TENT5C: variants seen among roughly 807,000 people sequenced by gnomAD.
The protein encoded by TENT5C is terminal nucleotidyltransferase 5C, also known as family with sequence similarity 46 member C.
In TENT5C, 5 loss-of-function variants were observed where a neutral mutation model predicts 22.2. The ratio of observed to expected loss-of-function variants is 0.22; its 90% CI spans 0.12 to 0.47. The LOEUF (loss-of-function observed/expected upper bound fraction) is 0.47. Ranked by LOEUF, TENT5C falls within the 20% of genes least tolerant of loss-of-function variation. TENT5C has a pLI of 0.99. For synonymous variants in TENT5C, 199 were observed against 195.4 expected (o/e 1.02, Z -0.15); for missense variants, 364 against 500.9 (o/e 0.73, Z 2.61).
At chr1:117,611,153 C>A (rs1653663508) in intron 1 of TENT5C, among the ~76,000 whole-genome samples, 1 of 152,208 alleles carries the variant, frequency 6.6e-6, no homozygotes, top group Admixed American at 6.5e-5. Context: ...CCACAGCTAG[C>A]CAGTGCTATA....
intron 1 of TENT5C, among the ~76,000 whole-genome samples, chr1:117,618,904 G>A (rs938961113): frequency 1.3e-5 from 2 of 152,158 alleles, no homozygotes; most frequent in Admixed American, 6.5e-5. Flanking sequence ...CTATTAACTT[G>A]TTTTTCTATT....
intron 1 of TENT5C, among the ~76,000 whole-genome samples, chr1:117,609,022 G>A (rs1271133829): frequency 6.6e-6 from 1 of 152,178 alleles, no homozygotes; most frequent in Non-Finnish European, 1.5e-5. Context: ...GGCACTGTAG[G>A]AAAATGCTTC....
intron 1 of TENT5C, among the ~76,000 whole-genome samples, chr1:117,620,665 C>T (rs1254312238): frequency 1.3e-5 from 2 of 152,144 alleles, no homozygotes; most frequent in African/African-American, 2.4e-5. Flanking sequence ...GGTGAGCGAG[C>T]ATTACCACCG....
chr1:117,619,610 G>C (rs1288986930), intron 1 of TENT5C, among the ~76,000 whole-genome samples: 1 of 151,958 alleles, frequency 6.6e-6, no homozygotes, highest in African/African-American at 2.4e-5. Context: ...TACCCACTCT[G>C]TATAAGTATA....
intron 1 of TENT5C, among the ~76,000 whole-genome samples, chr1:117,612,292 G>GC (rs1433070606): frequency 2.0e-5 from 3 of 151,980 alleles, no homozygotes; most frequent in Non-Finnish European, 4.4e-5. Context: ...TTCACACTGT[G>GC]CGTCAGACTT....
intron 1 of TENT5C, among the ~76,000 whole-genome samples, chr1:117,606,504 G>A (rs1446643711): frequency 1.3e-5 from 2 of 152,222 alleles, no homozygotes; most frequent in African/African-American, 2.4e-5. Context: ...GCGCGGGCAG[G>A]GCGTCTGAAG....
At position 117,627,679 on chromosome 1, in the gene TENT5C, A is replaced by G. The variant is rs926005573; in HGVS notation, c.*3635A>G. ...ACATCCTTAATCTTGCAGAGACTAG[A>G]ATTTCACAGCTCGCTTTGGAACATA... On this transcript the variant is annotated 3_prime_UTR_variant, in exon 2 of 2. Coordinates refer to ENST00000369448, the MANE Select transcript of TENT5C (RefSeq NM_017709.4). 4.8e-5 allele frequency: 12 copies of G among 247,996 alleles called. No homozygotes were observed. The highest frequency in any genetic ancestry group is 2.2e-4 in the African/African-American group (10 of 45,294). 15.4% of individuals were successfully genotyped at this position (247,996 alleles called of 1,614,324 possible). A position where few individuals can be genotyped will look rare whatever the true frequency, so the allele number is the denominator to read the frequency against.
At position 117,608,392 on chromosome 1, in the gene TENT5C, C is replaced by A. The variant is rs190478551; in HGVS notation, c.-28+2239C>A. On this transcript the variant is annotated intron_variant, in intron 1 of 1. Transcript: ENST00000369448. ...TCCCGAGTTCCAGAGGCCCGTCCCC[C>A]CTCAGCTGTATCTCCCCATAGTGCA... is the stretch of plus-strand genomic sequence containing the variant. Among the ~76,000 whole-genome samples, 47 of 152,284 alleles carry A rather than the reference C, an allele frequency of 3.1e-4. 1 individual carries two copies. The East Asian group carries it at 7.5e-3, about 24-fold the overall frequency.
chr1:117,621,814 A>G (rs572807829), intron 1 of TENT5C, among the ~76,000 whole-genome samples: 2 of 152,266 alleles, frequency 1.3e-5, no homozygotes, highest in Admixed American at 6.5e-5. Context: ...ATTTTAATAT[A>G]TGAGTATTTG....
intron 1 of TENT5C, among the ~76,000 whole-genome samples, chr1:117,610,344 C>A (rs971029698): frequency 6.6e-6 from 1 of 152,150 alleles, no homozygotes; most frequent in Admixed American, 6.5e-5. Flanking sequence ...CTCCACCCCC[C>A]ATGGCAGAGT....
chr1:117,622,218 G>C (rs1653907752), intron 1 of TENT5C, among the ~76,000 whole-genome samples: 1 of 152,174 alleles, frequency 6.6e-6, no homozygotes. Context: ...TTTGCTAAGG[G>C]AATATACTTT....
At chr1:117,607,794 A>AG (rs1161169515) in intron 1 of TENT5C, among the ~76,000 whole-genome samples, 1 of 151,976 alleles carries the variant, frequency 6.6e-6, no homozygotes, top group African/African-American at 2.4e-5. Flanking sequence ...GAAAAGGGGG[A>AG]GGGGGATGGG....
intron 1 of TENT5C, among the ~76,000 whole-genome samples, chr1:117,610,292 C>T (rs1653637114): frequency 6.6e-6 from 1 of 152,126 alleles, no homozygotes; most frequent in African/African-American, 2.4e-5. Context: ...TGAACCTCCT[C>T]TTCAAGACCG....
chr1:117,610,049 A>G (rs899499570), intron 1 of TENT5C, among the ~76,000 whole-genome samples: 1 of 152,154 alleles, frequency 6.6e-6, no homozygotes, highest in African/African-American at 2.4e-5. Context: ...CACCAGCCTC[A>G]CATGGCTCAC....
rs781658721 is a variant in TENT5C, at chr1:117,627,769, G to C, written c.*3725G>C. On this transcript the variant is annotated 3_prime_UTR_variant, in exon 2 of 2. Coordinates refer to ENST00000369448, the MANE Select transcript of TENT5C (RefSeq NM_017709.4). ...GGGGAGGGGGGCGGTGTTGAGGAGA[G>C]GTATTTTTAAAGATCTGGCAACTTT... 11 of 247,792 alleles carry C rather than the reference G, an allele frequency of 4.4e-5. No individual in the cohort carries two copies. The highest frequency in any genetic ancestry group is 6.8e-5 in the Non-Finnish European group (8 of 118,118). 15.3% of individuals were successfully genotyped at this position (247,792 alleles called of 1,614,324 possible).
chr1:117,625,386 A>T lies in TENT5C; in HGVS notation c.*1342A>T, dbSNP rs1042850704. 8 of 248,056 alleles carry T rather than the reference A, an allele frequency of 3.2e-5. No individual in the cohort carries two copies. The highest frequency in any genetic ancestry group is 1.8e-4 in the African/African-American group (8 of 45,356). 15.4% of individuals were successfully genotyped at this position (248,056 alleles called of 1,614,324 possible). A position where few individuals can be genotyped will look rare whatever the true frequency, so the allele number is the denominator to read the frequency against. ...TTCTGGTAGATTTGACTTGTTTATA[A>T]TTCTGCACTTTAGAAGAAAAACAGT... is the stretch of plus-strand genomic sequence containing the variant. On this transcript the variant is annotated 3_prime_UTR_variant, in exon 2 of 2. Transcript: ENST00000369448.
chr1:117,619,571 G>C (rs1653852412), intron 1 of TENT5C, among the ~76,000 whole-genome samples: 2 of 151,686 alleles, frequency 1.3e-5, no homozygotes, highest in Admixed American at 6.6e-5. Flanking sequence ...GAGGCTTTTA[G>C]ATTTTATGTG....
At chr1:117,622,728 CTATTTA>C in intron 1 of TENT5C, 108 bp from the exon 2 acceptor site, 1 of 703,510 alleles carries the variant, frequency 1.4e-6, no homozygotes, top group South Asian at 1.9e-5. Context: ...GCAGTAAGTG[CTATTTA>C]TCACCATTTT....
At chr1:117,619,693 A>G (rs1653854969) in intron 1 of TENT5C, among the ~76,000 whole-genome samples, 1 of 149,134 alleles carries the variant, frequency 6.7e-6, no homozygotes, top group African/African-American at 2.5e-5. Context: ...TGTCCAATCT[A>G]GATCTTAGTT....
Sources: allele counts gnomAD v4.1 joint callset (sites outside exome capture counted in the v4.1 genomes callset), GRCh38; gene constraint gnomAD v4.1.1; transcripts MANE v1.5; gene names NCBI Gene and HGNC (gene_info 2026-07-23, HGNC 2026-07-21).